The following DSG2 variants were observed in gnomAD, a reference collection of about 807,000 sequenced individuals.
DSG2 encodes desmoglein-2.
DSG2 carries 45 observed loss-of-function variants against 75.6 expected under a neutral mutation model. The ratio of observed to expected loss-of-function variants is 0.60; its 90% CI spans 0.47 to 0.76. DSG2 has a LOEUF of 0.76. Among genes scored for constraint, DSG2 ranks in the 30% least tolerant of loss-of-function variants. The probability of loss-of-function intolerance (pLI) is 0.00; values close to 1 mark genes in which losing one functional copy is unlikely to be tolerated. For missense variants in DSG2, 1,267 were observed against 1,357.4 expected, an observed-to-expected ratio of 0.93 and a Z score of 1.05; for synonymous variants, 429 against 483.9, an observed-to-expected ratio of 0.89 and a Z score of 1.49.
intron 1 of DSG2, among the ~76,000 whole-genome samples, chr18:31,513,105 G>A (rs1241406865): frequency 6.6e-6 from 1 of 152,172 alleles, no homozygotes. Context: ...TAGTTAGGTG[G>A]CTTTCAGATG....
chr18:31,521,065 C>A, intron 4 of DSG2, 34 bp from the exon 5 acceptor site: 1 of 1,613,190 alleles, frequency 6.2e-7, no homozygotes, highest in Non-Finnish European at 8.5e-7. Flanking sequence ...GTTTTCTTAG[C>A]TTAAATCTAA....
intron 1 of DSG2, 40 bp downstream of exon 1, chr18:31,498,336 AG>A (rs1568098595): frequency 8.0e-7 from 1 of 1,251,664 alleles, no homozygotes; most frequent in South Asian, 4.0e-5. Context: ...ACCGCCGGGG[AG>A]GGCGTCGGTA....
At chr18:31,509,751 A>G (rs1036922165) in intron 1 of DSG2, among the ~76,000 whole-genome samples, 1 of 152,042 alleles carries the variant, frequency 6.6e-6, no homozygotes, top group Non-Finnish European at 1.5e-5. Flanking sequence ...GGTCACTTGA[A>G]CTCTTCTGAA....
rs779853197 is a variant in DSG2 at position 31,541,182 on chromosome 18, T to C, written c.1880-11T>C. 22 of 1,614,150 alleles carry C rather than the reference T, an allele frequency of 1.4e-5. No individual in the cohort carries two copies. The highest frequency in any genetic ancestry group is 1.9e-5 in the Non-Finnish European group (22 of 1,179,984). On this transcript the variant is annotated splice_polypyrimidine_tract_variant and intron_variant, in intron 12 of 14. Coordinates refer to ENST00000261590, the MANE Select transcript of DSG2 (RefSeq NM_001943.5). The stretch of plus-strand genomic sequence containing the variant: ...TTAACCTTATCTGTGTTCAATTTTG[T>C]GTCTGTACAGTGGTACCACTTTTAC...
At position 31,538,769 on chromosome 18, in the gene DSG2, A is replaced by G; in HGVS notation, c.1670A>G (p.Gln557Arg). ...ARQESTSVLL[Q>R]QSEKKLGRSE... ...CTTGTAGGTACCAGTGTGCTGCTGCAACAAAGTGAGAAAAAGCTTGGGAGA... is the reference window on the plus strand; with the variant it reads ...CTTGTAGGTACCAGTGTGCTGCTGCGACAAAGTGAGAAAAAGCTTGGGAGA... Residue 557 changes from glutamine (Q) to arginine (R), a missense_variant, in exon 12 of 15, where the codon CAA becomes CGA. Transcript: ENST00000261590. 10 of 1,614,200 alleles carry G rather than the reference A, an allele frequency of 6.2e-6. No homozygotes were observed. Among genetic ancestry groups the G allele is most frequent in the Non-Finnish European group, 8.5e-6 (10 of 1,180,032 alleles).
intron 8 of DSG2, among the ~76,000 whole-genome samples, chr18:31,525,468 G>A (rs1038303114): frequency 9.9e-5 from 15 of 151,650 alleles, no homozygotes; most frequent in African/African-American, 9.7e-5. Context: ...GCAGTGAGCC[G>A]TGGTCACACT....
At chr18:31,535,125 T>C (rs557462950) in intron 9 of DSG2, 145 bp from the exon 10 acceptor site, 9 of 657,748 alleles carry the variant, frequency 1.4e-5, no homozygotes, top group Non-Finnish European at 2.4e-5. Context: ...TAGGATGGTT[T>C]TGCAAAATTA....
intron 14 of DSG2, among the ~76,000 whole-genome samples, chr18:31,543,898 A>G (rs570666910): frequency 6.6e-6 from 1 of 151,732 alleles, no homozygotes; most frequent in Non-Finnish European, 1.5e-5. Context: ...TAACATAGAG[A>G]TAAAGTATAC....
At position 31,546,085 on chromosome 18, in the gene DSG2, A is replaced by G. The variant is rs1193571793; in HGVS notation, c.2699A>G (p.Glu900Gly). Residue 900 changes from glutamate to glycine, a missense_variant, in exon 15 of 15, where the codon GAG (glutamate) becomes GGG (glycine). Glu to Gly is a moderately conservative substitution (Grantham distance 98). Transcript: ENST00000261590. Reference protein sequence around the residue: ...VPKSLQEANAEKVTQEIVTER... With the variant: ...VPKSLQEANAGKVTQEIVTER... ...AAATCTTTGCAAGAAGCCAATGCAG[A>G]GAAAGTAACTCAGGAAATAGTCACT... 6.2e-7 allele frequency: 1 copy of G among 1,614,256 alleles called. No homozygotes were observed. The highest frequency in any genetic ancestry group is 8.5e-7 in the Non-Finnish European group (1 of 1,180,050).
chr18:31,547,342 A>AGTGT lies in DSG2; in HGVS notation c.*609_*612dup, dbSNP rs36022761. On this transcript the variant is annotated 3_prime_UTR_variant, in exon 15 of 15. Coordinates refer to ENST00000261590, the MANE Select transcript of DSG2 (RefSeq NM_001943.5). ...CATTGTATGTTTCTGTGCACATGAC[A>AGTGT]GTGTGTGTGTGTGCACGTACATACT... 1.6e-4 allele frequency: 30 copies of AGTGT among 182,400 alleles called. No individual in the cohort carries two copies. Among genetic ancestry groups the AGTGT allele is most frequent in the African/African-American group, 4.3e-4 (18 of 42,004 alleles). The allele number at this position is 182,400 out of a possible 1,614,324, so 11.3% of individuals were successfully genotyped here.
chr18:31,545,926 T>A lies in DSG2; in HGVS notation c.2540T>A (p.Ile847Lys), dbSNP rs777609688. ...AEVCLGQKID[I>K]NKEIEQRQKP... is the part of the protein sequence containing the mutation. ...GTTTGCCTGGGTCAAAAAATAGATA[T>A]AAATAAGGAAATTGAGCAGAGACAA... Residue 847 changes from isoleucine (I) to lysine (K), a missense_variant, in exon 15 of 15, where the codon ATA becomes AAA. Coordinates refer to ENST00000261590, the MANE Select transcript of DSG2 (RefSeq NM_001943.5). 29 of 1,614,028 alleles carry A rather than the reference T, an allele frequency of 1.8e-5. No homozygotes were observed. Among genetic ancestry groups the A allele is most frequent in the Non-Finnish European group, 2.5e-5 (29 of 1,180,002 alleles).
chr18:31,546,913 CAGG>C lies in DSG2; in HGVS notation c.*173_*175del. 1 of 735,276 alleles carries C rather than the reference CAGG, an allele frequency of 1.4e-6. No individual in the cohort carries two copies. The highest frequency in any genetic ancestry group is 2.4e-6 in the Non-Finnish European group (1 of 418,978). The allele number at this position is 735,276 out of a possible 1,614,324, so 45.5% of individuals were successfully genotyped here. Reference sequence around the variant, plus strand: ...CAAAGGACCACACTGTCTCTGCTTCCAGGAGTATTTTAGAAATGTTCCACAATT... The same window carrying C: ...CAAAGGACCACACTGTCTCTGCTTCCAGTATTTTAGAAATGTTCCACAATT... On this transcript the variant is annotated 3_prime_UTR_variant, in exon 15 of 15. Coordinates refer to ENST00000261590, the MANE Select transcript of DSG2 (RefSeq NM_001943.5).
chr18:31,530,794 C>T (rs1264121799), intron 8 of DSG2, among the ~76,000 whole-genome samples, 193 bp from the exon 9 acceptor site: 1 of 152,052 alleles, frequency 6.6e-6, no homozygotes, highest in Non-Finnish European at 1.5e-5. Flanking sequence ...ACATCCTTAA[C>T]ATTTATGACT....
chr18:31,542,414 A>G, intron 13 of DSG2, 106 bp from the exon 14 acceptor site: 1 of 1,206,822 alleles, frequency 8.3e-7, no homozygotes, highest in Non-Finnish European at 1.2e-6. Context: ...CCTCAGTGGA[A>G]ATAGCTTATA....
intron 1 of DSG2, 138 bp from the exon 2 acceptor site, chr18:31,518,101 C>T: frequency 1.5e-6 from 1 of 680,612 alleles, no homozygotes; most frequent in South Asian, 2.0e-5. Flanking sequence ...AATTAGTTTC[C>T]TCTTGACAAA....
At chr18:31,539,758 GT>G (rs1173887491) in intron 12 of DSG2, among the ~76,000 whole-genome samples, 1 of 152,220 alleles carries the variant, frequency 6.6e-6, no homozygotes, top group Non-Finnish European at 1.5e-5. Context: ...ACCAGCACCT[GT>G]CCATGGCCTG....
rs1005230453 is a variant in DSG2 at position 31,521,144 on chromosome 18, C to A, written c.424C>A (p.Pro142Thr). ...TGCAAGAGGAAACAATGTAGAGAAA[C>A]CCTTAGAGCTACGCATTAAGGTTCT... ...LDARGNNVEKPLELRIKVLDI... is the reference protein window; with the variant it reads ...LDARGNNVEKTLELRIKVLDI... The change falls in exon 5 of 15, where the codon CCC becomes ACC. Residue 142 changes from proline (P) to threonine (T), a missense_variant. Transcript: ENST00000261590. 8.7e-6 allele frequency: 14 copies of A among 1,613,834 alleles called. No individual in the cohort carries two copies. The highest frequency in any genetic ancestry group is 3.3e-5 in the Admixed American group (2 of 60,002).
At position 31,498,311 on chromosome 18, in the gene DSG2, C is replaced by T; in HGVS notation, c.45+15C>T. 7.9e-7 allele frequency: 1 copy of T among 1,261,080 alleles called. No homozygotes were observed. The highest frequency in any genetic ancestry group is 1.5e-5 in the African/African-American group (1 of 65,022). 78.1% of individuals were successfully genotyped at this position (1,261,080 alleles called of 1,614,324 possible). On this transcript the variant is annotated intron_variant, in intron 1 of 14. Transcript: ENST00000261590. ...TGCTTCTCCTGGTAAGTGCCGCAAG[C>T]GGGACAGGGGAGCCACCGCCGGGGA...
At chr18:31,510,020 A>G (rs901249890) in intron 1 of DSG2, among the ~76,000 whole-genome samples, 1 of 152,234 alleles carries the variant, frequency 6.6e-6, no homozygotes, top group Non-Finnish European at 1.5e-5. Context: ...TTGACCTTCT[A>G]TACAATAAAA....
Sources: allele counts gnomAD v4.1 joint callset (sites outside exome capture counted in the v4.1 genomes callset), GRCh38; gene constraint gnomAD v4.1.1; transcripts MANE v1.5; gene names NCBI Gene and HGNC (gene_info 2026-07-23, HGNC 2026-07-21).